DLL1: variants seen among roughly 807,000 people sequenced by gnomAD.
The protein encoded by DLL1 is delta like canonical Notch ligand 1, also known as delta-like protein 1.
DLL1 carries 9 observed loss-of-function variants against 75.1 expected under a neutral mutation model. That is an observed-to-expected ratio of 0.12 (90% CI 0.07 to 0.21). The LOEUF (loss-of-function observed/expected upper bound fraction) is 0.21, where lower values mean the gene tolerates loss of function less well. Ranked by LOEUF, DLL1 falls within the 10% of genes least tolerant of loss-of-function variation. DLL1 has a pLI of 1.00. For synonymous variants in DLL1, 477 were observed against 418.3 expected (o/e 1.14, Z -1.71); for missense variants, 837 against 1,007.6 (o/e 0.83, Z 2.29).
Position 170,288,375 on chromosome 6 carries a change from C to T in DLL1, c.534G>A (p.Val178=). Residue 178 remains valine, a synonymous_variant, in exon 4 of 11, where the codon GTG becomes GTA. Transcript: ENST00000366756. ...CCTCTCCGTAGTAGTGTTCGTCACA[C>T]ACGAAGCGGTAGGAGTACTTGAGGT... The part of the protein sequence containing the change: ...RTDLKYSYRF[V]CDEHYYGEGC... 1 of 1,614,106 alleles carries T rather than the reference C, an allele frequency of 6.2e-7. No homozygotes were observed.
Position 170,282,743 on chromosome 6 carries a change from C to T in DLL1, c.*131G>A, listed in dbSNP as rs948362674. ...GAGGACCTCAGGAGGAGAACCTGCT[C>T]GGTCTGAACTCGGTTTCTCAGCAGC... On this transcript the variant is annotated 3_prime_UTR_variant, in exon 11 of 11. Transcript: ENST00000366756. 1.5e-4 allele frequency: 221 copies of T among 1,494,736 alleles called. No homozygotes were observed. Among genetic ancestry groups the T allele is most frequent in the Non-Finnish European group, 1.9e-4 (199 of 1,074,178 alleles). The allele number at this position is 1,494,736 out of a possible 1,614,324, so 92.6% of individuals were successfully genotyped here.
In DLL1 at chr6:170,282,249, A is replaced by C. The variant is rs543770705; in HGVS notation, c.*625T>G. 6.5e-6 allele frequency: 1 copy of C among 153,324 alleles called. No homozygotes were observed. The highest frequency in any genetic ancestry group is 2.4e-5 in the African/African-American group (1 of 41,580). 9.5% of individuals were successfully genotyped at this position (153,324 alleles called of 1,614,324 possible). ...ATTTTGGAAAAATATTTTAAAAAGGAATTTCTTCATTAACAAAACAGTAAA... is the reference window on the plus strand; with the variant it reads ...ATTTTGGAAAAATATTTTAAAAAGGCATTTCTTCATTAACAAAACAGTAAA... On this transcript the variant is annotated 3_prime_UTR_variant, in exon 11 of 11. Coordinates refer to ENST00000366756, the MANE Select transcript of DLL1 (RefSeq NM_005618.4).
Position 170,282,722 on chromosome 6 carries a change from A to T in DLL1, c.*152T>A. 3.0e-6 allele frequency: 4 copies of T among 1,323,642 alleles called. No individual in the cohort carries two copies. Among genetic ancestry groups the T allele is most frequent in the Non-Finnish European group, 1.1e-6 (1 of 922,436 alleles). The allele number at this position is 1,323,642 out of a possible 1,614,324, so 82.0% of individuals were successfully genotyped here. A position where few individuals can be genotyped will look rare whatever the true frequency, so the allele number is the denominator to read the frequency against. On this transcript the variant is annotated 3_prime_UTR_variant, in exon 11 of 11. Transcript: ENST00000366756. Reference sequence around the variant, plus strand: ...GACAGGCTGTCGGCAGGCGTCGAGGACCTCAGGAGGAGAACCTGCTCGGTC... The same window carrying T: ...GACAGGCTGTCGGCAGGCGTCGAGGTCCTCAGGAGGAGAACCTGCTCGGTC...
In DLL1 at chr6:170,283,868, G is replaced by T; in HGVS notation, c.1411C>A (p.Pro471Thr). Residue 471 changes from proline (P) to threonine (T), a missense_variant, in exon 9 of 11, where the codon CCT becomes ACT. By Grantham distance (38) the Pro-to-Thr change is conservative (BLOSUM62 -1). This residue lies in a region of DLL1 where 533 missense variants were observed against 545.7 expected (regional missense o/e 0.98). Transcript: ENST00000366756. ...CTGCAGTTCCTGCCCGTGTAGCCAG[G>T]CGGGCAGGTGCAGGAGAAGTCGTTC... ...GVNDFSCTCPPGYTGRNCSAP... is the reference protein window; with the variant it reads ...GVNDFSCTCPTGYTGRNCSAP... The T allele has an allele frequency of 6.2e-7, 1 of 1,606,142 alleles. No homozygotes were observed.
rs143249553 is a variant in DLL1 at position 170,283,896 on chromosome 6, G to A, written c.1383C>T (p.Gly461=). Residue 461 remains glycine (G), a synonymous_variant, in exon 9 of 11, where the codon GGC becomes GGT. Transcript: ENST00000366756. ...GGCAGGTGCAGGAGAAGTCGTTCAC[G>A]CCATCCCGGCAGGTGCCCCCGTTGG... ...PCANGGTCRD[G]VNDFSCTCPP... is the part of the protein sequence containing the mutation. The A allele has an allele frequency of 8.4e-5, 135 of 1,605,820 alleles. No homozygotes were observed. Among genetic ancestry groups the A allele is most frequent in the Admixed American group, 4.7e-4 (28 of 59,860 alleles).
chr6:170,289,584 A>C lies in DLL1; in HGVS notation c.279T>G (p.Ser93Arg), dbSNP rs1456969689. 5 of 1,535,458 alleles carry C rather than the reference A, an allele frequency of 3.3e-6. No homozygotes were observed. In the African/African-American group the frequency reaches 5.5e-5, roughly 17 times the overall value. Residue 93 changes from serine to arginine, a missense_variant, in exon 2 of 11, where the codon AGT becomes AGG. Physicochemically the swap from Ser to Arg is moderately radical, Grantham distance 110. This residue lies in a region of DLL1 where 304 missense variants were observed against 461.9 expected (regional missense o/e 0.66). Coordinates refer to ENST00000366756, the MANE Select transcript of DLL1 (RefSeq NM_005618.4). ...AGTCGGCGCCCCCGCCGTCGGGCAG[A>C]CTGAAGGAGTCGACGCCCAGCACGG... ...VTPVLGVDSF[S>R]LPDGGGADSA...
chr6:170,289,856 T>G (rs1472414180), intron 1 of DLL1, 48 bp from the exon 2 acceptor site: 1 of 1,534,518 alleles, frequency 6.5e-7, no homozygotes, highest in Admixed American at 2.0e-5. Flanking sequence ...CCGCCCGAGC[T>G]AGGGGGCGTG....
rs1184273287 is a variant in DLL1 at position 170,290,737 on chromosome 6, C to T, written c.-598G>A. On this transcript the variant is annotated 5_prime_UTR_variant, in exon 1 of 11. Coordinates refer to ENST00000366756, the MANE Select transcript of DLL1 (RefSeq NM_005618.4). The surrounding 1 kb of genome is among the most constrained non-coding windows in gnomAD (Gnocchi z 4.7). ...CGGCGGCGGTCGTTCCGGGAGCACT[C>T]CGGGCTCCGATCTCCGGTGTCACAG... 4.7e-6 allele frequency: 2 copies of T among 424,354 alleles called. No homozygotes were observed. Among genetic ancestry groups the T allele is most frequent in the Non-Finnish European group, 8.5e-6 (2 of 234,670 alleles). 26.3% of individuals were successfully genotyped at this position (424,354 alleles called of 1,614,324 possible).
In DLL1 at chr6:170,290,937, C is replaced by T; in HGVS notation, c.-798G>A. The T allele has an allele frequency of 5.7e-6, 4 of 698,522 alleles. No individual in the cohort carries two copies. The highest frequency in any genetic ancestry group is 1.0e-5 in the Non-Finnish European group (4 of 382,780). 43.3% of individuals were successfully genotyped at this position (698,522 alleles called of 1,614,324 possible). On this transcript the variant is annotated 5_prime_UTR_variant, in exon 1 of 11. Coordinates refer to ENST00000366756, the MANE Select transcript of DLL1 (RefSeq NM_005618.4). The surrounding 1 kb of genome is among the most constrained non-coding windows in gnomAD (Gnocchi z 4.7). ...GTGCGCGCAGAGGATCTGGCTCTCG[C>T]CGGCGCCTGCCGCCCTTATATTCAG...
chr6:170,283,518 C>G lies in DLL1; in HGVS notation c.1761G>C (p.Thr587=). Residue 587 remains threonine, a synonymous_variant, in exon 9 of 11, where the codon ACG becomes ACC. Coordinates refer to ENST00000366756, the MANE Select transcript of DLL1 (RefSeq NM_005618.4). ...AGTTGGCCAGGTTGTTCATGGTCTC[C>G]GTCTCCCCCCGGCAGGGGTCGGCTG... The part of the protein sequence containing the change: ...RPPADPCRGE[T]ETMNNLANCQ... 1 of 1,613,658 alleles carries G rather than the reference C, an allele frequency of 6.2e-7. No homozygotes were observed. The highest frequency in any genetic ancestry group is 8.5e-7 in the Non-Finnish European group (1 of 1,180,022).
rs1180762661 is a variant in DLL1, at chr6:170,290,092, C to T, written c.48G>A (p.Leu16=). 6.3e-7 allele frequency: 1 copy of T among 1,589,360 alleles called. No individual in the cohort carries two copies. Among genetic ancestry groups the T allele is most frequent in the African/African-American group, 1.4e-5 (1 of 73,924 alleles). ...ALALAVLSAL[L]CQVWSSGVFE... is the part of the protein sequence containing the mutation. ...CCCCCACCTGCCCGCCTACCTGACACAGCAAGGCCGAGAGCACCGCCAGGG... is the reference window on the plus strand; with the variant it reads ...CCCCCACCTGCCCGCCTACCTGACATAGCAAGGCCGAGAGCACCGCCAGGG... Residue 16 remains leucine (L), a synonymous_variant, in exon 1 of 11, where the codon CTG becomes CTA. Transcript: ENST00000366756. The surrounding 1 kb of genome is among the most constrained non-coding windows in gnomAD (Gnocchi z 4.7).
At chr6:170,284,509 G>T (rs1430026675) in intron 8 of DLL1, among the ~76,000 whole-genome samples, 3 of 152,240 alleles carry the variant, frequency 2.0e-5, no homozygotes, top group Non-Finnish European at 4.4e-5. Flanking sequence ...TGGGCAGCCA[G>T]CCCCTCGCTG....
In DLL1 at chr6:170,283,450, G is replaced by A. The variant is rs139409566; in HGVS notation, c.1829C>T (p.Thr610Met). 4.6e-4 allele frequency: 749 copies of A among 1,612,362 alleles called. No individual in the cohort carries two copies. Among genetic ancestry groups the A allele is most frequent in the Middle Eastern group, 1.2e-3 (7 of 6,062 alleles). The change falls in exon 9 of 11, where the codon ACG (threonine) becomes ATG (methionine). Residue 610 changes from threonine (T) to methionine (M), a missense_variant. Thr to Met is a moderately conservative substitution (Grantham distance 81, BLOSUM62 -1). Coordinates refer to ENST00000366756, the MANE Select transcript of DLL1 (RefSeq NM_005618.4). ...CTTCTTGTTGGTGTTCTTGATCTGC[G>A]TGGCCCCGATGATGCTGACTGAGAT... ...KDISVSIIGATQIKNTNKKAD... is the reference protein window; with the variant it reads ...KDISVSIIGAMQIKNTNKKAD...
chr6:170,289,366 G>A lies in DLL1; in HGVS notation c.351+146C>T, dbSNP rs1014689677. Reference sequence around the variant, plus strand: ...CGCGCTGCTGGGCTGGAGTCCTGGGGCCGCCGCTAGGCAGATCGCAGCGCC... The same window carrying A: ...CGCGCTGCTGGGCTGGAGTCCTGGGACCGCCGCTAGGCAGATCGCAGCGCC... On this transcript the variant is annotated intron_variant, in intron 2 of 10. Coordinates refer to ENST00000366756, the MANE Select transcript of DLL1 (RefSeq NM_005618.4). 3.9e-5 allele frequency: 51 copies of A among 1,320,132 alleles called. No homozygotes were observed. In the African/African-American group the frequency reaches 5.4e-4, roughly 14 times the overall value. The allele number at this position is 1,320,132 out of a possible 1,614,324, so 81.8% of individuals were successfully genotyped here.
chr6:170,290,913 TGC>T lies in DLL1; in HGVS notation c.-776_-775del. On this transcript the variant is annotated 5_prime_UTR_variant, in exon 1 of 11. Coordinates refer to ENST00000366756, the MANE Select transcript of DLL1 (RefSeq NM_005618.4). The surrounding 1 kb of genome is among the most constrained non-coding windows in gnomAD (Gnocchi z 4.7). ...CTCGGCCGGGTCGGGTCTCCGCGGG[TGC>T]GCGCAGAGGATCTGGCTCTCGCCGG... 1 of 695,314 alleles carries T rather than the reference TGC, an allele frequency of 1.4e-6. No homozygotes were observed. The highest frequency in any genetic ancestry group is 1.8e-5 in the African/African-American group (1 of 57,082). The allele number at this position is 695,314 out of a possible 1,614,324, so 43.1% of individuals were successfully genotyped here.
Position 170,286,283 on chromosome 6 carries a change from C to T in DLL1, c.686G>A (p.Gly229Glu). ...PYCTEPICLPGCDEQHGFCDK... is the reference protein window; with the variant it reads ...PYCTEPICLPECDEQHGFCDK... ...ACAAAATCCATGCTGCTCATCACAT[C>T]CAGGCAGGCAGATCGCTACAAGCAA... is the stretch of plus-strand genomic sequence containing the variant. The change falls in exon 5 of 11, where the codon GGA (glycine) becomes GAA (glutamate). Residue 229 changes from glycine to glutamate, a missense_variant. By Grantham distance (98) the Gly-to-Glu change is moderately conservative. Transcript: ENST00000366756. The T allele has an allele frequency of 1.9e-6, 3 of 1,614,224 alleles. No individual in the cohort carries two copies. The highest frequency in any genetic ancestry group is 2.5e-6 in the Non-Finnish European group (3 of 1,180,050).
intron 3 of DLL1, 21 bp from the exon 4 acceptor site, chr6:170,288,517 T>TG: frequency 6.2e-7 from 1 of 1,614,070 alleles, no homozygotes; most frequent in South Asian, 1.1e-5. Flanking sequence ...AAGATGCTCC[T>TG]GGTTGGTTCT....
rs1259451844 is a variant in DLL1 at position 170,283,506 on chromosome 6, G to A, written c.1773C>T (p.Asn591=). 1.2e-6 allele frequency: 2 copies of A among 1,613,730 alleles called. No individual in the cohort carries two copies. The highest frequency in any genetic ancestry group is 1.7e-6 in the Non-Finnish European group (2 of 1,180,024). Residue 591 remains asparagine (N), a synonymous_variant, in exon 9 of 11, where the codon AAC becomes AAT. Coordinates refer to ENST00000366756, the MANE Select transcript of DLL1 (RefSeq NM_005618.4). The part of the protein sequence containing the change: ...DPCRGETETM[N]NLANCQREKD... ...TCTCACGCTGGCAGTTGGCCAGGTT[G>A]TTCATGGTCTCCGTCTCCCCCCGGC...
chr6:170,289,722 C>A lies in DLL1; in HGVS notation c.141G>T (p.Gly47=). The A allele has an allele frequency of 6.5e-7, 1 of 1,549,978 alleles. No individual in the cohort carries two copies. The highest frequency in any genetic ancestry group is 8.7e-7 in the Non-Finnish European group (1 of 1,146,884). The part of the protein sequence containing the change: ...GLLGNRNCCR[G]GAGPPPCACR... Reference sequence around the variant, plus strand: ...AGGCGCACGGCGGTGGCCCCGCGCCCCCGCGGCAGCAGTTGCGGTTCCCCA... The same window carrying A: ...AGGCGCACGGCGGTGGCCCCGCGCCACCGCGGCAGCAGTTGCGGTTCCCCA... Residue 47 remains glycine, a synonymous_variant, in exon 2 of 11, where the codon GGG becomes GGT. Transcript: ENST00000366756.
Sources: gnomAD v4.1 joint callset for allele counts (sites outside exome capture counted in the v4.1 genomes callset) on GRCh38, gnomAD v4.1.1 for gene constraint, gnomAD v4.1.1 regional missense constraint, Gnocchi (gnomAD v3.1) non-coding constraint, MANE v1.5 for transcripts, NCBI Gene and HGNC (gene_info 2026-07-23, HGNC 2026-07-21) for gene names.